SEMA3A: variants seen among roughly 807,000 people sequenced by gnomAD.
The protein encoded by SEMA3A is semaphorin 3A.
A neutral mutation model predicts 97.9 loss-of-function variants in SEMA3A; 29 were observed. The observed-to-expected ratio is 0.30, with a 90% CI of 0.22 to 0.40. The LOEUF (loss-of-function observed/expected upper bound fraction) is 0.40, where lower values mean the gene tolerates loss of function less well. SEMA3A is among the 10% of genes least tolerant of loss of function. The pLI, the probability that SEMA3A is intolerant of heterozygous loss-of-function variation, is 1.00. For missense variants in SEMA3A, 763 were observed against 951.3 expected, an observed-to-expected ratio of 0.80 and a Z score of 2.60; for synonymous variants, 321 against 323.7, an observed-to-expected ratio of 0.99 and a Z score of 0.09.
intron 3 of SEMA3A, among the ~76,000 whole-genome samples, chr7:84,280,136 G>A (rs558276208): frequency 6.6e-6 from 1 of 152,218 alleles, no homozygotes; most frequent in Admixed American, 6.6e-5. Context: ...GGGCTCAAGC[G>A]ATCCTCCACC....
chr7:84,435,684 A>T (rs1805109248), intron 1 of SEMA3A, among the ~76,000 whole-genome samples: 1 of 152,168 alleles, frequency 6.6e-6, no homozygotes, highest in Non-Finnish European at 1.5e-5. Context: ...TGACACAAAC[A>T]AATGCGAAAA....
At chr7:84,215,533 C>G (rs1798732363) in intron 3 of SEMA3A, among the ~76,000 whole-genome samples, 2 of 152,220 alleles carry the variant, frequency 1.3e-5, no homozygotes, top group South Asian at 4.1e-4. Flanking sequence ...TCCCTGACAA[C>G]TCAATTTAAA....
chr7:84,429,516 T>TTTTATATA (rs1554385260), intron 1 of SEMA3A, among the ~76,000 whole-genome samples: 2,769 of 72,392 alleles, frequency 0.038, 194 homozygotes, highest in African/African-American at 0.049. Context: ...ATAGAGTTTG[T>TTTTATATA]TATATATATA....
intron 1 of SEMA3A, among the ~76,000 whole-genome samples, chr7:84,386,310 G>A (rs1263509250): frequency 1.3e-5 from 2 of 152,158 alleles, no homozygotes; most frequent in Non-Finnish European, 2.9e-5. Context: ...TTTGGGCACT[G>A]TTTTTGCAGC....
At chr7:84,007,534 C>T (rs907813488) in intron 9 of SEMA3A, 37 bp from the exon 10 acceptor site, 2 of 1,449,886 alleles carry the variant, frequency 1.4e-6, no homozygotes, top group African/African-American at 2.9e-5. Context: ...AGAAGTTCAT[C>T]TTTATACAAT....
chr7:84,447,580 C>G (rs78632184), intron 1 of SEMA3A, among the ~76,000 whole-genome samples: 4,001 of 152,246 alleles, frequency 0.026, 168 homozygotes, highest in African/African-American at 0.09. Flanking sequence ...ATACCCACTT[C>G]GGGGTTTCCT....
intron 2 of SEMA3A, among the ~76,000 whole-genome samples, chr7:84,351,109 C>T (rs927132460): frequency 6.6e-6 from 1 of 151,714 alleles, no homozygotes; most frequent in Non-Finnish European, 1.5e-5. Context: ...CCTAAAATAA[C>T]ACACTAGAAC....
At chr7:83,986,359 TAGA>T (rs1235928554) in intron 12 of SEMA3A, among the ~76,000 whole-genome samples, 4 of 152,204 alleles carry the variant, frequency 2.6e-5, no homozygotes, top group African/African-American at 9.7e-5. Flanking sequence ...CAGGTTAACA[TAGA>T]GGAGTAATAA....
intron 2 of SEMA3A, among the ~76,000 whole-genome samples, chr7:84,368,940 A>T (rs1484171419): frequency 6.6e-6 from 1 of 151,066 alleles, no homozygotes; most frequent in African/African-American, 2.4e-5. Flanking sequence ...TATATCAATC[A>T]TGAATCTTCA....
At chr7:84,094,215 C>T (rs1223534475) in intron 4 of SEMA3A, among the ~76,000 whole-genome samples, 4 of 151,994 alleles carry the variant, frequency 2.6e-5, no homozygotes, top group Non-Finnish European at 5.9e-5. Flanking sequence ...GGTCTGCTGC[C>T]CAGGAGAAAA....
chr7:84,488,134 T>C (rs1276414287), intron 1 of SEMA3A, among the ~76,000 whole-genome samples: 3 of 152,206 alleles, frequency 2.0e-5, no homozygotes, highest in South Asian at 2.1e-4. Flanking sequence ...ATAAAAGATA[T>C]AAGTTTTTTT....
rs1252715764 is a variant in SEMA3A, at chr7:84,045,513, T to TA, written c.667+810dup. ...AATTTTTGGTAAATGTGTAAATAAC[T>TA]AAAAAAAAAAGAACTCTAGGTAGAA... On this transcript the variant is annotated intron_variant, in intron 6 of 16. Coordinates refer to ENST00000265362, the MANE Select transcript of SEMA3A (RefSeq NM_006080.3). 1.0e-3 allele frequency among the ~76,000 whole-genome samples: 148 copies of TA among 146,482 alleles called. 2 individuals are homozygous for TA. The highest frequency in any genetic ancestry group is 1.2e-3 in the Non-Finnish European group (82 of 66,244).
intron 2 of SEMA3A, among the ~76,000 whole-genome samples, chr7:84,362,260 C>T (rs1009406334): frequency 6.6e-6 from 1 of 151,890 alleles, no homozygotes; most frequent in South Asian, 2.1e-4. Context: ...CTTAATTTCT[C>T]CCAGATTCAG....
intron 1 of SEMA3A, among the ~76,000 whole-genome samples, chr7:84,152,599 G>A (rs1005132608): frequency 2.8e-5 from 4 of 143,072 alleles, no homozygotes; most frequent in African/African-American, 5.2e-5. Context: ...GCTAGATGAC[G>A]AGTTAGTGGG....
chr7:84,479,408 T>A (rs1016446916), intron 1 of SEMA3A, among the ~76,000 whole-genome samples: 3 of 152,168 alleles, frequency 2.0e-5, no homozygotes, highest in African/African-American at 7.2e-5. Context: ...GGTGGAATGG[T>A]CAACTTTCAA....
chr7:84,010,201 C>T (rs1443444973), intron 9 of SEMA3A, among the ~76,000 whole-genome samples: 1 of 151,928 alleles, frequency 6.6e-6, no homozygotes, highest in Non-Finnish European at 1.5e-5. Flanking sequence ...ACTTAAAAAG[C>T]TTTAAAACTA....
intron 1 of SEMA3A, among the ~76,000 whole-genome samples, chr7:84,162,230 TA>T (rs1176366231): frequency 3.9e-5 from 6 of 152,068 alleles, no homozygotes; most frequent in Admixed American, 3.3e-4. Context: ...TTTTCTCTAA[TA>T]AAAAAAGAGT....
chr7:84,359,456 T>G (rs1053806368), intron 2 of SEMA3A, among the ~76,000 whole-genome samples: 7 of 152,112 alleles, frequency 4.6e-5, no homozygotes, highest in African/African-American at 1.7e-4. Context: ...GATTTGCGTA[T>G]GTTGAACCAG....
intron 14 of SEMA3A, among the ~76,000 whole-genome samples, chr7:83,980,623 A>AAAAAAAAAAAAAAAATATTT (rs1310318006): frequency 1.4e-5 from 1 of 71,762 alleles, no homozygotes; most frequent in Non-Finnish European, 2.4e-5. Context: ...AAAAAAAAAA[A>AAAAAAAAAAAAAAAATATTT]ATATATATAT....
Sources: allele counts gnomAD v4.1 joint callset (sites outside exome capture counted in the v4.1 genomes callset), GRCh38; gene constraint gnomAD v4.1.1; transcripts MANE v1.5; gene names NCBI Gene and HGNC (gene_info 2026-07-23, HGNC 2026-07-21).